Variants in MCC observed in about 807,000 individuals in gnomAD.
The protein encoded by MCC is colorectal mutant cancer protein.
In MCC, 90 loss-of-function variants were observed where a neutral mutation model predicts 116.2. The ratio of observed to expected loss-of-function variants is 0.77; its 90% CI spans 0.65 to 0.92. The LOEUF is 0.92. Among genes scored for constraint, MCC ranks in the 40% least tolerant of loss-of-function variants. The pLI, the probability that MCC is intolerant of heterozygous loss-of-function variation, is 0.00. For missense variants in MCC, 1,516 were observed against 1,312.2 expected (o/e 1.16, Z -2.40); for synonymous variants, 578 against 510.5 (o/e 1.13, Z -1.78).
intron 1 of MCC, among the ~76,000 whole-genome samples, chr5:113,392,132 G>A (rs1394874851): frequency 2.6e-5 from 4 of 152,084 alleles, no homozygotes; most frequent in African/African-American, 7.2e-5. Context: ...TTGGGAGGAC[G>A]AGAAGGGAGG....
chr5:113,278,796 A>C (rs1359243653), intron 3 of MCC, among the ~76,000 whole-genome samples: 1 of 152,176 alleles, frequency 6.6e-6, no homozygotes, highest in Non-Finnish European at 1.5e-5. Flanking sequence ...AGGCAGGGAA[A>C]TGACCAAACA....
chr5:113,255,757 C>T (rs145780182), intron 3 of MCC, among the ~76,000 whole-genome samples: 275 of 152,276 alleles, frequency 1.8e-3, no homozygotes, highest in African/African-American at 6.4e-3. Flanking sequence ...CCTGTGGTTA[C>T]GTGGGACACT....
At chr5:113,148,573 G>A (rs570918220) in intron 4 of MCC, among the ~76,000 whole-genome samples, 52 of 152,280 alleles carry the variant, frequency 3.4e-4, no homozygotes, top group African/African-American at 1.3e-3. Context: ...CACAGCGTAA[G>A]TTTACACATG....
intron 3 of MCC, among the ~76,000 whole-genome samples, chr5:113,310,740 G>T (rs7727501): frequency 0.13 from 19,237 of 152,204 alleles, 1,346 homozygotes; most frequent in Non-Finnish European, 0.17. Context: ...CTATTTGGGA[G>T]AATTTGGGAA....
At chr5:113,346,043 A>G (rs948554543) in intron 2 of MCC, among the ~76,000 whole-genome samples, 44 of 152,232 alleles carry the variant, frequency 2.9e-4, no homozygotes, top group Non-Finnish European at 6.5e-4. Flanking sequence ...GTCTGAAATA[A>G]TTAAAAGGAA....
At chr5:113,415,506 T>A (rs964871571) in intron 1 of MCC, among the ~76,000 whole-genome samples, 1 of 152,234 alleles carries the variant, frequency 6.6e-6, no homozygotes, top group Admixed American at 6.5e-5. Flanking sequence ...TCTTGCTTTA[T>A]TTCATTAATT....
intron 15 of MCC, among the ~76,000 whole-genome samples, chr5:113,049,956 G>A (rs77864380): frequency 1.3e-5 from 2 of 152,180 alleles, no homozygotes; most frequent in African/African-American, 4.8e-5. Flanking sequence ...AAATGAGAGC[G>A]ATGAGTGGAG....
rs757872596 is a variant in MCC at position 113,340,609 on chromosome 5, CA to C, written c.536del (p.Leu179CysfsTer21). Reference sequence around the variant, plus strand: ...GTTTGTGGAGAGCAGCCTGCTGATGCAAAGAGCTTCCGCCATACTCGAGCAG... The same window carrying C: ...GTTTGTGGAGAGCAGCCTGCTGATGCAAGAGCTTCCGCCATACTCGAGCAG... ...QKLLEYGGSSLHQQAALHKLL... is the reference protein window; with the variant it reads ...QKLLEYGGSSXHQQAALHKLL... On this transcript the variant is annotated frameshift_variant, in exon 3 of 19. Transcript: ENST00000408903. LOFTEE classifies it high-confidence loss of function. 6.2e-7 allele frequency: 1 copy of C among 1,614,174 alleles called. No homozygotes were observed. Among genetic ancestry groups the C allele is most frequent in the Non-Finnish European group, 8.5e-7 (1 of 1,180,026 alleles).
chr5:113,328,204 C>T (rs1053385572), intron 3 of MCC, among the ~76,000 whole-genome samples: 7 of 152,138 alleles, frequency 4.6e-5, no homozygotes, highest in Non-Finnish European at 1.0e-4. Context: ...AGGGACTGGC[C>T]ATCTGAGAAT....
At chr5:113,374,718 A>C (rs950749004) in intron 2 of MCC, among the ~76,000 whole-genome samples, 1 of 152,158 alleles carries the variant, frequency 6.6e-6, no homozygotes, top group Non-Finnish European at 1.5e-5. Context: ...TTTGCTGGGC[A>C]CAATGGCTCA....
chr5:113,032,407 TCAA>T (rs1751019184), intron 17 of MCC, among the ~76,000 whole-genome samples: 1 of 72,072 alleles, frequency 1.4e-5, no homozygotes. Context: ...AAACTCTGTA[TCAA>T]AAAAAAAAAA....
chr5:113,210,198 C>T (rs1293523131), intron 3 of MCC, among the ~76,000 whole-genome samples: 1 of 139,358 alleles, frequency 7.2e-6, no homozygotes, highest in Non-Finnish European at 1.6e-5. Context: ...CTCAACAGTA[C>T]AACTTTTCCC....
chr5:113,199,717 C>T (rs1306502799), intron 3 of MCC, among the ~76,000 whole-genome samples: 2 of 152,124 alleles, frequency 1.3e-5, no homozygotes, highest in Non-Finnish European at 2.9e-5. Context: ...GATCATTATT[C>T]CCCAATGACT....
chr5:113,464,949 A>G (rs1771854255), intron 1 of MCC, among the ~76,000 whole-genome samples: 1 of 152,174 alleles, frequency 6.6e-6, no homozygotes. Flanking sequence ...AAATGTAGAG[A>G]CATATAATCC....
chr5:113,291,841 A>C (rs1304310548), intron 3 of MCC, among the ~76,000 whole-genome samples: 1 of 152,348 alleles, frequency 6.6e-6, no homozygotes, highest in African/African-American at 2.4e-5. Flanking sequence ...GAATCTATGG[A>C]TACTGCTCTG....
intron 1 of MCC, chr5:113,433,585 G>GT: frequency 9.7e-7 from 1 of 1,030,842 alleles, no homozygotes; most frequent in Non-Finnish European, 1.4e-6. Context: ...GGAGAACCAT[G>GT]TGGGTTACCA....
At chr5:113,460,735 A>C (rs907219631) in intron 1 of MCC, among the ~76,000 whole-genome samples, 2 of 152,206 alleles carry the variant, frequency 1.3e-5, no homozygotes, top group African/African-American at 4.8e-5. Context: ...ATTCTGAGAC[A>C]GTTGTAGCTT....
In MCC at chr5:113,024,093, A is replaced by T. The variant is rs1750359790; in HGVS notation, c.*3209T>A. 6.6e-6 allele frequency: 1 copy of T among 152,216 alleles called. No individual in the cohort carries two copies. The highest frequency in any genetic ancestry group is 2.1e-4 in the South Asian group (1 of 4,834). 9.4% of individuals were successfully genotyped at this position (152,216 alleles called of 1,614,324 possible). A position where few individuals can be genotyped will look rare whatever the true frequency, so the allele number is the denominator to read the frequency against. On this transcript the variant is annotated 3_prime_UTR_variant, in exon 19 of 19. Transcript: ENST00000408903. The stretch of plus-strand genomic sequence containing the variant: ...TTTTAAGAAAAAGCCTATGGGCTCT[A>T]ATTTGGACTTCCTTTTGGAGTAGAA...
Position 113,385,044 on chromosome 5 carries a change from T to G in MCC, c.339A>C (p.Ala113=). The change falls in exon 2 of 19, where the codon GCA becomes GCC. Residue 113 remains alanine, a synonymous_variant. Transcript: ENST00000408903. ...TCTTTGTACAGGAGTTGTCTGACTT[T>G]GCAGAAAGATCTACTTCCTCCTTCC... is the stretch of plus-strand genomic sequence containing the variant. ...EIRKEEVDLS[A]KSDNSCTKKL... 6.2e-7 allele frequency: 1 copy of G among 1,614,240 alleles called. No individual in the cohort carries two copies. The highest frequency in any genetic ancestry group is 8.5e-7 in the Non-Finnish European group (1 of 1,180,034).
Sources: allele counts gnomAD v4.1 joint callset (sites outside exome capture counted in the v4.1 genomes callset), GRCh38; gene constraint gnomAD v4.1.1; transcripts MANE v1.5; gene names NCBI Gene and HGNC (gene_info 2026-07-23, HGNC 2026-07-21).